The following OSTF1 variants were observed in gnomAD, a reference collection of about 807,000 sequenced individuals.
OSTF1 encodes the protein osteoclast stimulating factor 1.
A neutral mutation model predicts 37.2 loss-of-function variants in OSTF1; 27 were observed. The observed-to-expected ratio is 0.73, with a 90% CI of 0.54 to 1.00. The LOEUF (loss-of-function observed/expected upper bound fraction) is 1.00, where lower values mean the gene tolerates loss of function less well. Ranked by LOEUF, OSTF1 falls within the 50% of genes least tolerant of loss-of-function variation. The probability of loss-of-function intolerance (pLI) is 0.00; values close to 1 mark genes in which losing one functional copy is unlikely to be tolerated. For synonymous variants in OSTF1, 82 were observed against 89.2 expected (o/e 0.92, Z 0.46); for missense variants, 232 against 253.8 (o/e 0.91, Z 0.58).
At chr9:75,127,973 C>T (rs1242585618) in intron 3 of OSTF1, among the ~76,000 whole-genome samples, 1 of 151,266 alleles carries the variant, frequency 6.6e-6, no homozygotes, top group Non-Finnish European at 1.5e-5. Flanking sequence ...TATGTGTACA[C>T]ACACATACAT....
chr9:75,088,876 TGCGTTC>T, intron 1 of OSTF1, 150 bp downstream of exon 1: 1 of 695,674 alleles, frequency 1.4e-6, no homozygotes, highest in South Asian at 1.6e-5. Context: ...CTCTTAGTTT[TGCGTTC>T]GCTGTTACGG....
intron 1 of OSTF1, among the ~76,000 whole-genome samples, chr9:75,100,714 G>A (rs1305720986): frequency 1.1e-4 from 16 of 149,264 alleles, no homozygotes; most frequent in African/African-American, 4.0e-4. Flanking sequence ...CTGGGCAACA[G>A]AGTGAGACTC....
chr9:75,116,785 T>C (rs1370345111), intron 1 of OSTF1, among the ~76,000 whole-genome samples: 1 of 152,162 alleles, frequency 6.6e-6, no homozygotes, highest in Non-Finnish European at 1.5e-5. Flanking sequence ...GGACTCTGTA[T>C]AGGACAGAAC....
chr9:75,110,876 C>T (rs1234781870), intron 1 of OSTF1, among the ~76,000 whole-genome samples: 14 of 152,070 alleles, frequency 9.2e-5, no homozygotes, highest in Non-Finnish European at 1.8e-4. Context: ...CGCAACCACA[C>T]CTGGCTAATT....
intron 5 of OSTF1, among the ~76,000 whole-genome samples, chr9:75,132,424 G>C (rs1587469984): frequency 1.3e-5 from 2 of 152,294 alleles, no homozygotes; most frequent in East Asian, 3.9e-4. Flanking sequence ...CAAACCCCGA[G>C]GGTATTTGGC....
At chr9:75,102,171 C>T (rs781540768) in intron 1 of OSTF1, among the ~76,000 whole-genome samples, 52 of 152,224 alleles carry the variant, frequency 3.4e-4, no homozygotes, top group Middle Eastern at 3.4e-3. Context: ...GATGGGGTCT[C>T]GCTCTGTTGC....
intron 8 of OSTF1, among the ~76,000 whole-genome samples, chr9:75,138,179 A>C (rs1825873186): frequency 6.6e-6 from 1 of 152,220 alleles, no homozygotes; most frequent in Admixed American, 6.5e-5. Flanking sequence ...GTTTACTCTT[A>C]GAGAAGGCCA....
intron 9 of OSTF1, among the ~76,000 whole-genome samples, chr9:75,145,923 G>A (rs144066973): frequency 3.3e-5 from 5 of 152,186 alleles, no homozygotes; most frequent in East Asian, 3.9e-4. Context: ...ACTTGGAACC[G>A]GTCATATGTA....
chr9:75,139,693 G>T (rs941400304), intron 8 of OSTF1, among the ~76,000 whole-genome samples: 4 of 152,230 alleles, frequency 2.6e-5, no homozygotes, highest in African/African-American at 9.6e-5. Flanking sequence ...AAAGTGCCAG[G>T]ATTACAGGCG....
chr9:75,115,630 AC>A (rs1051753784), intron 1 of OSTF1, among the ~76,000 whole-genome samples: 6 of 115,370 alleles, frequency 5.2e-5, no homozygotes, highest in African/African-American at 1.4e-4. Context: ...TTAAAAGAGG[AC>A]CCCCCCTTTT....
intron 1 of OSTF1, among the ~76,000 whole-genome samples, chr9:75,105,478 C>A (rs538240150): frequency 6.6e-6 from 1 of 152,302 alleles, no homozygotes; most frequent in South Asian, 2.1e-4. Flanking sequence ...AATTTCAGAT[C>A]ATTTTCATGT....
chr9:75,096,886 A>G (rs1825096269), intron 1 of OSTF1, among the ~76,000 whole-genome samples: 1 of 152,168 alleles, frequency 6.6e-6, no homozygotes, highest in Non-Finnish European at 1.5e-5. Context: ...ATCCTTCCTT[A>G]TTTGAAAACC....
At chr9:75,093,529 T>G (rs1168526626) in intron 1 of OSTF1, among the ~76,000 whole-genome samples, 1 of 152,138 alleles carries the variant, frequency 6.6e-6, no homozygotes, top group Non-Finnish European at 1.5e-5. Flanking sequence ...GCTTATTGAT[T>G]TTGGTGGTGA....
chr9:75,103,738 A>G (rs1345780103), intron 1 of OSTF1, among the ~76,000 whole-genome samples: 1 of 152,108 alleles, frequency 6.6e-6, no homozygotes, highest in East Asian at 1.9e-4. Context: ...GGTTCAAGAG[A>G]TTCTGTCACA....
intron 1 of OSTF1, among the ~76,000 whole-genome samples, chr9:75,094,277 A>G (rs1353112117): frequency 6.6e-6 from 1 of 152,124 alleles, no homozygotes; most frequent in Non-Finnish European, 1.5e-5. Context: ...ACTTTTTGAG[A>G]GTGGAACAGT....
At chr9:75,134,043 A>T (rs1202528400) in intron 6 of OSTF1, among the ~76,000 whole-genome samples, 1 of 152,210 alleles carries the variant, frequency 6.6e-6, no homozygotes, top group Non-Finnish European at 1.5e-5. Flanking sequence ...AAAGAAGCCT[A>T]TCTTATTTCA....
chr9:75,137,587 C>T lies in OSTF1; in HGVS notation c.458C>T (p.Ala153Val), dbSNP rs759139918. 6.2e-7 allele frequency: 1 copy of T among 1,612,548 alleles called. No homozygotes were observed. Among genetic ancestry groups the T allele is most frequent in the Non-Finnish European group, 8.5e-7 (1 of 1,178,576 alleles). Residue 153 changes from alanine (A) to valine (V), a missense_variant, in exon 8 of 10, where the codon GCA becomes GTA. Coordinates refer to ENST00000346234, the MANE Select transcript of OSTF1 (RefSeq NM_012383.5). Reference protein sequence around the residue: ...ALHAAAWKGYADIVQLLLAKG... With the variant: ...ALHAAAWKGYVDIVQLLLAKG... ...CATGCTGCTGCCTGGAAGGGTTATG[C>T]AGATATCGTCCAGTTGCTTCTGGCA...
chr9:75,099,422 A>C (rs1187122994), intron 1 of OSTF1, among the ~76,000 whole-genome samples: 2 of 151,764 alleles, frequency 1.3e-5, no homozygotes, highest in Non-Finnish European at 2.9e-5. Flanking sequence ...CAACTATTTA[A>C]ACATTTTTTT....
At position 75,127,584 on chromosome 9, in the gene OSTF1, T is replaced by C; in HGVS notation, c.97T>C (p.Phe33Leu). 1 of 1,582,546 alleles carries C rather than the reference T, an allele frequency of 6.3e-7. No homozygotes were observed. The highest frequency in any genetic ancestry group is 2.3e-5 in the East Asian group (1 of 44,094). The change falls in exon 3 of 10, where the codon TTT becomes CTT. Residue 33 changes from phenylalanine (F) to leucine (L), a missense_variant. Coordinates refer to ENST00000346234, the MANE Select transcript of OSTF1 (RefSeq NM_012383.5). ...TTTCTTCTAGCCAGATGAATTATACTTTGAGGAAGGTGATATTATCTACAT... is the reference window on the plus strand; with the variant it reads ...TTTCTTCTAGCCAGATGAATTATACCTTGAGGAAGGTGATATTATCTACAT... Reference protein sequence around the residue: ...FEPRTPDELYFEEGDIIYITD... With the variant: ...FEPRTPDELYLEEGDIIYITD...
Sources: allele counts gnomAD v4.1 joint callset (sites outside exome capture counted in the v4.1 genomes callset), GRCh38; gene constraint gnomAD v4.1.1; transcripts MANE v1.5; gene names NCBI Gene and HGNC (gene_info 2026-07-23, HGNC 2026-07-21).